Variants in NSG1 observed in about 807,000 individuals in gnomAD.
NSG1 encodes the protein neuronal vesicle trafficking associated 1.
NSG1 carries 9 observed loss-of-function variants against 19.3 expected under a neutral mutation model. The observed-to-expected ratio is 0.47, with a 90% CI of 0.28 to 0.81. The LOEUF is 0.81. Ranked by LOEUF, NSG1 falls within the 40% of genes least tolerant of loss-of-function variation. The pLI is 0.11. For missense variants in NSG1, 236 were observed against 242.4 expected (o/e 0.97, Z 0.18); for synonymous variants, 104 against 107.0 (o/e 0.97, Z 0.17).
intron 4 of NSG1, chr4:4,415,842 G>A (rs1383821731): frequency 2.1e-6 from 1 of 470,520 alleles, no homozygotes; most frequent in East Asian, 4.0e-5. Flanking sequence ...AGATGGAGAG[G>A]ACAGCGTGAA....
At position 4,387,547 on chromosome 4, in the gene NSG1, CCCCCG is replaced by C. The variant is rs1305464870; in HGVS notation, c.-26-46_-26-42del. On this transcript the variant is annotated intron_variant, in intron 1 of 4. Transcript: ENST00000621129. ...CCGGTGGGTGTGGGTGCCCACTTCC[CCCCCG>C]CCCCGCCCCGGGTCTTGCTTGTGGT... 8 of 549,848 alleles carry C rather than the reference CCCCCG, an allele frequency of 1.5e-5. 1 individual carries two copies. Among genetic ancestry groups the C allele is most frequent in the Non-Finnish European group, 2.0e-5 (6 of 306,682 alleles). 34.1% of individuals were successfully genotyped at this position (549,848 alleles called of 1,614,324 possible).
At chr4:4,406,913 G>A (rs1379719595) in intron 3 of NSG1, among the ~76,000 whole-genome samples, 3 of 152,220 alleles carry the variant, frequency 2.0e-5, no homozygotes, top group South Asian at 2.1e-4. Flanking sequence ...TGGCTGCCAC[G>A]TGCCTCAGAC....
intron 2 of NSG1, 22 bp downstream of exon 2, chr4:4,387,780 C>G: frequency 6.3e-7 from 1 of 1,581,142 alleles, no homozygotes; most frequent in Non-Finnish European, 8.7e-7. Flanking sequence ...CACGCCCCTC[C>G]ACGTTGCCGG....
At chr4:4,392,495 G>A (rs1723048791) in intron 3 of NSG1, among the ~76,000 whole-genome samples, 1 of 152,106 alleles carries the variant, frequency 6.6e-6, no homozygotes, top group Non-Finnish European at 1.5e-5. Flanking sequence ...ACCCCCACCC[G>A]CTGCAGTTTC....
intron 3 of NSG1, among the ~76,000 whole-genome samples, chr4:4,392,666 C>T (rs900613921): frequency 1.3e-5 from 2 of 152,220 alleles, no homozygotes; most frequent in Non-Finnish European, 2.9e-5. Flanking sequence ...CTCCTTCTTC[C>T]CGTTGCCACA....
intron 3 of NSG1, among the ~76,000 whole-genome samples, chr4:4,407,595 A>G (rs995263539): frequency 1.3e-5 from 2 of 152,174 alleles, no homozygotes; most frequent in Non-Finnish European, 2.9e-5. Context: ...CACCCCATTC[A>G]GCTGGTCCTG....
intron 2 of NSG1, among the ~76,000 whole-genome samples, chr4:4,389,392 A>G (rs1276367116): frequency 6.6e-6 from 1 of 152,154 alleles, no homozygotes; most frequent in African/African-American, 2.4e-5. Flanking sequence ...CAGACCTTCC[A>G]TCCCGGACTT....
At chr4:4,403,625 C>T (rs537019819) in intron 3 of NSG1, among the ~76,000 whole-genome samples, 1 of 152,182 alleles carries the variant, frequency 6.6e-6, no homozygotes, top group African/African-American at 2.4e-5. Flanking sequence ...AGCAAAGTCC[C>T]TTACCATATA....
chr4:4,411,776 A>C (rs1004794294), intron 4 of NSG1, among the ~76,000 whole-genome samples: 5,043 of 132,558 alleles, frequency 0.038, 340 homozygotes, highest in African/African-American at 0.13. Flanking sequence ...AACAAAACAA[A>C]ACAAAACAAA....
intron 4 of NSG1, among the ~76,000 whole-genome samples, chr4:4,414,144 A>AG (rs1357918185): frequency 1.3e-5 from 2 of 152,002 alleles, no homozygotes; most frequent in Non-Finnish European, 2.9e-5. Context: ...GGTTCCCCAC[A>AG]GGGAGGAGGG....
chr4:4,416,745 G>A (rs1724568827), intron 4 of NSG1, among the ~76,000 whole-genome samples: 1 of 150,482 alleles, frequency 6.6e-6, no homozygotes. Context: ...TGCCTCTTCT[G>A]ACTCCCGCCC....
intron 2 of NSG1, 33 bp downstream of exon 2, chr4:4,387,791 G>C: frequency 6.4e-7 from 1 of 1,557,938 alleles, no homozygotes. Flanking sequence ...ACGTTGCCGG[G>C]TGTGCACCCC....
intron 3 of NSG1, among the ~76,000 whole-genome samples, chr4:4,397,143 A>T (rs192890123): frequency 1.7e-4 from 25 of 145,886 alleles, no homozygotes; most frequent in African/African-American, 2.5e-5. Context: ...TCTTTTTCCA[A>T]GTTTTTTCCT....
At chr4:4,412,711 T>G (rs546122671) in intron 4 of NSG1, among the ~76,000 whole-genome samples, 18 of 152,312 alleles carry the variant, frequency 1.2e-4, no homozygotes, top group African/African-American at 4.3e-4. Flanking sequence ...ACTCGGTAGC[T>G]GTGGGCTCCC....
intron 2 of NSG1, among the ~76,000 whole-genome samples, chr4:4,388,093 G>T (rs1722829804): frequency 1.0e-5 from 1 of 98,940 alleles, no homozygotes; most frequent in South Asian, 3.4e-4. Flanking sequence ...GGCCCCAGGG[G>T]CTCTGGATCG....
chr4:4,410,570 G>A (rs975869503), intron 4 of NSG1, among the ~76,000 whole-genome samples: 3 of 152,098 alleles, frequency 2.0e-5, no homozygotes, highest in East Asian at 3.9e-4. Context: ...GTTGTCACAC[G>A]ATGGTAAGTA....
At chr4:4,389,475 A>T (rs530083189) in intron 2 of NSG1, among the ~76,000 whole-genome samples, 37 of 152,260 alleles carry the variant, frequency 2.4e-4, no homozygotes, top group Admixed American at 2.4e-3. Context: ...CTAAGGTCAC[A>T]ATGAGGGAAC....
intron 4 of NSG1, among the ~76,000 whole-genome samples, chr4:4,413,274 G>A (rs1048608769): frequency 3.3e-5 from 5 of 151,850 alleles, no homozygotes; most frequent in South Asian, 2.1e-4. Flanking sequence ...GCATGTGGGC[G>A]GTAGTTTCTA....
rs1724749073 is a variant in NSG1, at chr4:4,418,901, C to G, written c.*1466C>G. 1 of 152,292 alleles carries G rather than the reference C, an allele frequency of 6.6e-6. No homozygotes were observed. Among genetic ancestry groups the G allele is most frequent in the Non-Finnish European group, 1.5e-5 (1 of 68,064 alleles). The allele number at this position is 152,292 out of a possible 1,614,324, so 9.4% of individuals were successfully genotyped here. On this transcript the variant is annotated 3_prime_UTR_variant, in exon 5 of 5. Transcript: ENST00000621129. ...CAAGAGCAATAAATCAGTGCCAAAGCTTCCCTGCGCATCTGAATAGACACA... is the reference window on the plus strand; with the variant it reads ...CAAGAGCAATAAATCAGTGCCAAAGGTTCCCTGCGCATCTGAATAGACACA...
Sources: allele counts gnomAD v4.1 joint callset (sites outside exome capture counted in the v4.1 genomes callset), GRCh38; gene constraint gnomAD v4.1.1; transcripts MANE v1.5; gene names NCBI Gene and HGNC (gene_info 2026-07-23, HGNC 2026-07-21).